BEND6: variants seen among roughly 807,000 people sequenced by gnomAD.
The protein encoded by BEND6 is BEN domain containing 6.
A neutral mutation model predicts 31.8 loss-of-function variants in BEND6; 24 were observed. The ratio of observed to expected loss-of-function variants is 0.75; its 90% CI spans 0.55 to 1.06. The LOEUF is 1.06. Ranked by LOEUF, BEND6 falls within the 50% of genes least tolerant of loss-of-function variation. The probability of loss-of-function intolerance (pLI) is 0.00; values close to 1 mark genes in which losing one functional copy is unlikely to be tolerated. For missense variants in BEND6, 294 were observed against 327.4 expected (o/e 0.90, Z 0.79); for synonymous variants, 109 against 114.6 (o/e 0.95, Z 0.31).
intron 1 of BEND6, among the ~76,000 whole-genome samples, 180 bp downstream of exon 1, chr6:56,955,640 C>G (rs1369633916): frequency 6.6e-6 from 1 of 152,202 alleles, no homozygotes. Context: ...CCACCCCAAA[C>G]TTGGTGCTTA....
At chr6:57,007,351 C>T (rs963661735) in intron 3 of BEND6, among the ~76,000 whole-genome samples, 1 of 150,330 alleles carries the variant, frequency 6.7e-6, no homozygotes. Context: ...TGAAACTAGA[C>T]CCCCACCTCT....
chr6:56,977,545 TATTC>T (rs1825923990), intron 1 of BEND6, among the ~76,000 whole-genome samples: 1 of 152,260 alleles, frequency 6.6e-6, no homozygotes, highest in Non-Finnish European at 1.5e-5. Context: ...AGCCTATGGT[TATTC>T]ATTTTATTAG....
intron 3 of BEND6, among the ~76,000 whole-genome samples, chr6:56,998,680 G>A (rs1010404915): frequency 4.7e-5 from 7 of 148,814 alleles, no homozygotes; most frequent in African/African-American, 1.7e-4. Context: ...AAAACATTGG[G>A]AAATGCTTCA....
At chr6:56,996,410 G>A (rs560901948) in intron 3 of BEND6, among the ~76,000 whole-genome samples, 1 of 152,108 alleles carries the variant, frequency 6.6e-6, no homozygotes, top group Admixed American at 6.5e-5. Flanking sequence ...TTACACCACT[G>A]CACTCCAGCC....
chr6:57,019,936 C>T (rs548923013), intron 6 of BEND6, among the ~76,000 whole-genome samples: 3 of 151,858 alleles, frequency 2.0e-5, no homozygotes, highest in South Asian at 2.1e-4. Context: ...TTATAAAATA[C>T]GGAAGAAAAA....
chr6:56,982,254 G>A (rs889677040), intron 2 of BEND6, among the ~76,000 whole-genome samples: 1 of 152,112 alleles, frequency 6.6e-6, no homozygotes, highest in African/African-American at 2.4e-5. Flanking sequence ...AGTTGAGTTA[G>A]AAACATACTC....
At chr6:56,990,428 G>C (rs34896907) in intron 2 of BEND6, among the ~76,000 whole-genome samples, 29,985 of 151,582 alleles carry the variant, frequency 0.2, 3,191 homozygotes, top group Middle Eastern at 0.22. Context: ...TGTATTTTTT[G>C]TAGAAACAAG....
chr6:56,969,348 C>T (rs1195544559), intron 1 of BEND6, among the ~76,000 whole-genome samples: 1 of 152,154 alleles, frequency 6.6e-6, no homozygotes, highest in Admixed American at 6.5e-5. Context: ...TTCCTCCGTG[C>T]CCTATCTTGC....
Position 56,979,082 on chromosome 6 carries a change from T to C in BEND6, c.-100-2629T>C, listed in dbSNP as rs562724854. On this transcript the variant is annotated intron_variant, in intron 1 of 6. Coordinates refer to ENST00000370746, the MANE Select transcript of BEND6 (RefSeq NM_152731.3). ...AATGGATATATTTTTAAGTTCAAAT[T>C]ACAGTTCCAGCACTGCCTTTCAGAT... 2.0e-5 allele frequency among the ~76,000 whole-genome samples: 3 copies of C among 152,322 alleles called. No individual in the cohort carries two copies. In the South Asian group the frequency reaches 6.2e-4, roughly 32 times the overall value.
At chr6:57,006,892 T>C (rs1224294376) in intron 3 of BEND6, among the ~76,000 whole-genome samples, 2 of 152,100 alleles carry the variant, frequency 1.3e-5, no homozygotes, top group African/African-American at 4.8e-5. Context: ...ATTAGACCAA[T>C]AGGACAGAAT....
intron 4 of BEND6, among the ~76,000 whole-genome samples, chr6:57,015,990 A>G (rs935641573): frequency 1.3e-5 from 2 of 152,174 alleles, no homozygotes; most frequent in Non-Finnish European, 2.9e-5. Flanking sequence ...TAAAACAAAT[A>G]CCCAGTTTAG....
intron 4 of BEND6, 87 bp downstream of exon 4, chr6:57,015,440 C>A (rs1460365140): frequency 4.0e-5 from 48 of 1,196,518 alleles, no homozygotes; most frequent in Admixed American, 2.1e-5. Flanking sequence ...ATTGTTTTAT[C>A]AGATAACTAT....
intron 3 of BEND6, chr6:57,010,900 A>G (rs1827321391): frequency 1.7e-6 from 1 of 591,040 alleles, no homozygotes; most frequent in Non-Finnish European, 2.1e-6. Flanking sequence ...AAACACTTTG[A>G]GAAAAATATT....
At chr6:56,955,729 T>A (rs897936953) in intron 1 of BEND6, among the ~76,000 whole-genome samples, 1 of 152,206 alleles carries the variant, frequency 6.6e-6, no homozygotes, top group Admixed American at 6.5e-5. Context: ...ATTTAGTGCA[T>A]TTGAAGGGCA....
At chr6:57,019,677 G>A (rs954114372) in intron 6 of BEND6, among the ~76,000 whole-genome samples, 3 of 152,144 alleles carry the variant, frequency 2.0e-5, no homozygotes, top group Admixed American at 6.5e-5. Context: ...CAGCTCTGCC[G>A]AGAGTCAACA....
Position 56,958,065 on chromosome 6 carries a change from A to G in BEND6, c.-101+2605A>G, listed in dbSNP as rs200956394. 2.6e-5 allele frequency among the ~76,000 whole-genome samples: 4 copies of G among 152,332 alleles called. No individual in the cohort carries two copies. In the East Asian group the frequency reaches 7.7e-4, roughly 29 times the overall value. On this transcript the variant is annotated intron_variant, in intron 1 of 6. Coordinates refer to ENST00000370746, the MANE Select transcript of BEND6 (RefSeq NM_152731.3). ...CAGGCCTCCCCAGCATTAGGGCAGG[A>G]AGGAACCCAACCTGTTCAAATTCCG...
At chr6:56,991,890 T>G (rs976295220) in intron 2 of BEND6, among the ~76,000 whole-genome samples, 4 of 152,152 alleles carry the variant, frequency 2.6e-5, no homozygotes, top group Non-Finnish European at 4.4e-5. Context: ...TTTTGAACAC[T>G]ATGTTATGAA....
At chr6:56,966,784 C>G (rs531486020) in intron 1 of BEND6, among the ~76,000 whole-genome samples, 1 of 152,210 alleles carries the variant, frequency 6.6e-6, no homozygotes, top group African/African-American at 2.4e-5. Context: ...GGTTGTTTTG[C>G]CAGGTGAGGA....
At chr6:57,016,337 G>A (rs1481964076) in intron 4 of BEND6, among the ~76,000 whole-genome samples, 1 of 152,120 alleles carries the variant, frequency 6.6e-6, no homozygotes, top group Non-Finnish European at 1.5e-5. Context: ...CACAAATTTA[G>A]TGATTTCAAA....
Sources: allele counts gnomAD v4.1 joint callset (sites outside exome capture counted in the v4.1 genomes callset), GRCh38; gene constraint gnomAD v4.1.1; transcripts MANE v1.5; gene names NCBI Gene and HGNC (gene_info 2026-07-23, HGNC 2026-07-21).